WDR5B: variants seen among roughly 807,000 people sequenced by gnomAD.
WDR5B encodes WD repeat-containing protein 5B.
A neutral mutation model predicts 24.0 loss-of-function variants in WDR5B; 17 were observed. That is an observed-to-expected ratio of 0.71 (90% confidence interval 0.49 to 1.06). WDR5B has a LOEUF of 1.06. WDR5B is among the 50% of genes least tolerant of loss of function. The pLI, the probability that WDR5B is intolerant of heterozygous loss-of-function variation, is 0.00. For synonymous variants in WDR5B, 150 were observed against 146.4 expected (o/e 1.02, Z -0.18); for missense variants, 368 against 384.1 (o/e 0.96, Z 0.35).
chr3:122,413,433 C>G lies in WDR5B; in HGVS notation c.*1103G>C, dbSNP rs2075714669. ...GACCAGCCTCGAACATGGTGAAACC[C>G]TGTCTCTACTAAAAATAGAAACATT... On this transcript the variant is annotated 3_prime_UTR_variant, in exon 1 of 1. Transcript: ENST00000330689. 1.3e-5 allele frequency: 2 copies of G among 152,228 alleles called. No individual in the cohort carries two copies. Among genetic ancestry groups the G allele is most frequent in the Admixed American group, 1.3e-4 (2 of 15,266 alleles). 9.4% of individuals were successfully genotyped at this position (152,228 alleles called of 1,614,324 possible).
rs1196218284 is a variant in WDR5B, at chr3:122,413,147, G to A, written c.*1389C>T. Reference sequence around the variant, plus strand: ...AGAAATTGTCCAGTGACAGACAAATGAAATTATTAATAGGCCTCAAGATTA... The same window carrying A: ...AGAAATTGTCCAGTGACAGACAAATAAAATTATTAATAGGCCTCAAGATTA... On this transcript the variant is annotated 3_prime_UTR_variant, in exon 1 of 1. Coordinates refer to ENST00000330689, the MANE Select transcript of WDR5B (RefSeq NM_019069.4). 2 of 152,172 alleles carry A rather than the reference G, an allele frequency of 1.3e-5. No homozygotes were observed. The highest frequency in any genetic ancestry group is 1.5e-5 in the Non-Finnish European group (1 of 68,040). The allele number at this position is 152,172 out of a possible 1,614,324, so 9.4% of individuals were successfully genotyped here. A position where few individuals can be genotyped will look rare whatever the true frequency, so the allele number is the denominator to read the frequency against.
rs2075731276 is a variant in WDR5B at position 122,415,559 on chromosome 3, T to C, written c.-31A>G. The C allele has an allele frequency of 6.3e-7, 1 of 1,585,234 alleles. No individual in the cohort carries two copies. Among genetic ancestry groups the C allele is most frequent in the Non-Finnish European group, 8.6e-7 (1 of 1,166,668 alleles). On this transcript the variant is annotated 5_prime_UTR_variant, in exon 1 of 1. Coordinates refer to ENST00000330689, the MANE Select transcript of WDR5B (RefSeq NM_019069.4). ...TGAAGCTCCAAGTTAGCAGGTGTAC[T>C]AGGCGTTCAGCCCTGAACCAGGCAG...
Position 122,412,298 on chromosome 3 carries a change from G to A in WDR5B, c.*2238C>T, listed in dbSNP as rs1172979610. Reference sequence around the variant, plus strand: ...TTTTTCTACTTTACATTTCCTGTAAGTGCTGTTTGTTTGAATAAAGTTAAT... The same window carrying A: ...TTTTTCTACTTTACATTTCCTGTAAATGCTGTTTGTTTGAATAAAGTTAAT... On this transcript the variant is annotated 3_prime_UTR_variant, in exon 1 of 1. Coordinates refer to ENST00000330689, the MANE Select transcript of WDR5B (RefSeq NM_019069.4). The A allele has an allele frequency of 1.3e-5, 2 of 152,112 alleles. No homozygotes were observed. Among genetic ancestry groups the A allele is most frequent in the Admixed American group, 6.5e-5 (1 of 15,272 alleles). The allele number at this position is 152,112 out of a possible 1,614,324, so 9.4% of individuals were successfully genotyped here. A position where few individuals can be genotyped will look rare whatever the true frequency, so the allele number is the denominator to read the frequency against.
Position 122,415,542 on chromosome 3 carries a change from C to G in WDR5B, c.-14G>C. On this transcript the variant is annotated 5_prime_UTR_variant, in exon 1 of 1. Coordinates refer to ENST00000330689, the MANE Select transcript of WDR5B (RefSeq NM_019069.4). ...CTTGGTTGCCATGGCTCTGAAGCTC[C>G]AAGTTAGCAGGTGTACTAGGCGTTC... 6.3e-7 allele frequency: 1 copy of G among 1,599,286 alleles called. No individual in the cohort carries two copies. Among genetic ancestry groups the G allele is most frequent in the Non-Finnish European group, 8.5e-7 (1 of 1,172,568 alleles).
Position 122,414,083 on chromosome 3 carries a change from G to C in WDR5B, c.*453C>G, listed in dbSNP as rs1310994248. 4 of 166,618 alleles carry C rather than the reference G, an allele frequency of 2.4e-5. No homozygotes were observed. Among genetic ancestry groups the C allele is most frequent in the Non-Finnish European group, 5.2e-5 (4 of 77,090 alleles). The allele number at this position is 166,618 out of a possible 1,614,324, so 10.3% of individuals were successfully genotyped here. ...ATGGACCTGGAGGCCATTAAGTGAA[G>C]TAATGATACAGAAAGTCAAAAACCA... On this transcript the variant is annotated 3_prime_UTR_variant, in exon 1 of 1. Transcript: ENST00000330689.
At position 122,415,307 on chromosome 3, in the gene WDR5B, T is replaced by C. The variant is rs947185521; in HGVS notation, c.222A>G (p.Lys74=). ...LIIIWGAYDG[K]YEKTLYGHNL... ...TATGACCATAGAGTGTTTTCTCATA[T>C]TTTCCATCATATGCTCCCCAAATTA... Residue 74 remains lysine (K), a synonymous_variant, in exon 1 of 1, where the codon AAA becomes AAG. Transcript: ENST00000330689. The C allele has an allele frequency of 3.1e-6, 5 of 1,614,130 alleles. No individual in the cohort carries two copies. The East Asian group carries it at 6.7e-5, about 22-fold the overall frequency.
Position 122,415,419 on chromosome 3 carries a change from A to G in WDR5B, c.110T>C (p.Leu37Pro). ...TGACACTGCTTCCGTGTGTCCCACA[A>G]GAGTACATTTGAGAGCATAGTTTGG... ...ENPNYALKCT[L>P]VGHTEAVSSV... is the part of the protein sequence containing the mutation. Residue 37 changes from leucine (L) to proline (P), a missense_variant, in exon 1 of 1, where the codon CTT becomes CCT. Physicochemically the swap from Leu to Pro is moderately conservative, Grantham distance 98. Transcript: ENST00000330689. The G allele has an allele frequency of 6.2e-7, 1 of 1,614,250 alleles. No homozygotes were observed. Among genetic ancestry groups the G allele is most frequent in the Non-Finnish European group, 8.5e-7 (1 of 1,180,042 alleles).
At position 122,412,164 on chromosome 3, in the gene WDR5B, C is replaced by T. The variant is rs1184242975; in HGVS notation, c.*2372G>A. The T allele has an allele frequency of 6.6e-6, 1 of 152,158 alleles. No homozygotes were observed. The highest frequency in any genetic ancestry group is 1.5e-5 in the Non-Finnish European group (1 of 68,040). 9.4% of individuals were successfully genotyped at this position (152,158 alleles called of 1,614,324 possible). A position where few individuals can be genotyped will look rare whatever the true frequency, so the allele number is the denominator to read the frequency against. ...AGGTACCACAAACTACAAAAGGAGA[C>T]AGTTTTGCCCTTGTTGCTTTCAGTT... On this transcript the variant is annotated 3_prime_UTR_variant, in exon 1 of 1. Transcript: ENST00000330689.
In WDR5B at chr3:122,414,557, TTTAA is replaced by T. The variant is rs543776678; in HGVS notation, c.968_971del (p.Ile323AsnfsTer4). The T allele has an allele frequency of 1.5e-4, 245 of 1,613,986 alleles. 3 individuals carry two copies. The South Asian group carries it at 1.9e-3, about 12-fold the overall frequency. On this transcript the variant is annotated frameshift_variant, in exon 1 of 1. Transcript: ENST00000330689. LOFTEE classifies it high-confidence loss of function. ...GGGATTAGTGGTTACTCATCCACAG[TTTAA>T]TTGTTTTGTCATTTTCTAATGCTGC...
Position 122,414,932 on chromosome 3 carries a change from A to G in WDR5B, c.597T>C (p.Gly199=). The change falls in exon 1 of 1, where the codon GGT becomes GGC. Residue 199 remains glycine, a synonymous_variant. Coordinates refer to ENST00000330689, the MANE Select transcript of WDR5B (RefSeq NM_019069.4). ...GLCRIWDAAS[G]QCLKTLVDDD... ...CATCAACGAGCGTTTTTAAACACTG[A>G]CCTGATGCAGCATCCCAGATTCTAC... 1 of 1,614,218 alleles carries G rather than the reference A, an allele frequency of 6.2e-7. No homozygotes were observed. The highest frequency in any genetic ancestry group is 8.5e-7 in the Non-Finnish European group (1 of 1,180,036).
At position 122,414,714 on chromosome 3, in the gene WDR5B, G is replaced by C. The variant is rs1468468867; in HGVS notation, c.815C>G (p.Ser272Cys). The C allele has an allele frequency of 1.2e-6, 2 of 1,614,172 alleles. No individual in the cohort carries two copies. Among genetic ancestry groups the C allele is most frequent in the Non-Finnish European group, 1.7e-6 (2 of 1,180,036 alleles). The part of the protein sequence containing the change: ...FSVTGGKWIV[S>C]GSEDNLVYIW... ...GTAAACCAGGTTATCCTCGGAACCA[G>C]ACACAATCCACTTTCCACCAGTAAC... Residue 272 changes from serine (S) to cysteine (C), a missense_variant, in exon 1 of 1, where the codon TCT becomes TGT. Ser to Cys is a moderately radical substitution (Grantham distance 112, BLOSUM62 -1). Coordinates refer to ENST00000330689, the MANE Select transcript of WDR5B (RefSeq NM_019069.4).
rs1332517859 is a variant in WDR5B at position 122,413,725 on chromosome 3, G to GC, written c.*810dup. 1 of 152,168 alleles carries GC rather than the reference G, an allele frequency of 6.6e-6. No individual in the cohort carries two copies. Among genetic ancestry groups the GC allele is most frequent in the Non-Finnish European group, 1.5e-5 (1 of 68,030 alleles). 9.4% of individuals were successfully genotyped at this position (152,168 alleles called of 1,614,324 possible). A position where few individuals can be genotyped will look rare whatever the true frequency, so the allele number is the denominator to read the frequency against. On this transcript the variant is annotated 3_prime_UTR_variant, in exon 1 of 1. Transcript: ENST00000330689. The stretch of plus-strand genomic sequence containing the variant: ...CAACTAAAAACTACCATTCGATCCA[G>GC]CAATCCCACTAGTAGGTATCTACCC...
rs1560005504 is a variant in WDR5B, at chr3:122,414,896, AG to A, written c.632del (p.Pro211LeufsTer6). The A allele has an allele frequency of 3.1e-6, 5 of 1,614,214 alleles. No individual in the cohort carries two copies. The Admixed American group carries it at 8.3e-5, about 27-fold the overall frequency. ...CLKTLVDDDN[P>X]PVSFVKFSPN... Reference sequence around the variant, plus strand: ...GAGAAAATTTTACAAAAGAGACAGGAGGGTTATCGTCATCAACGAGCGTTTT... The same window carrying A: ...GAGAAAATTTTACAAAAGAGACAGGAGGTTATCGTCATCAACGAGCGTTTT... On this transcript the variant is annotated frameshift_variant, in exon 1 of 1. Transcript: ENST00000330689. LOFTEE classifies it high-confidence loss of function.
At position 122,414,663 on chromosome 3, in the gene WDR5B, A is replaced by G. The variant is rs141407605; in HGVS notation, c.866T>C (p.Ile289Thr). The G allele has an allele frequency of 2.9e-5, 47 of 1,614,068 alleles. No homozygotes were observed. Among genetic ancestry groups the G allele is most frequent in the Middle Eastern group, 1.6e-4 (1 of 6,084 alleles). ...TGTATGGCCTTGTAATTTCTGCACA[A>G]TCTCTTTAGTCTGAAGGTTCCAAAT... ...VYIWNLQTKE[I>T]VQKLQGHTDV... The change falls in exon 1 of 1, where the codon ATT becomes ACT. Residue 289 changes from isoleucine to threonine, a missense_variant. Transcript: ENST00000330689.
rs1560004733 is a variant in WDR5B, at chr3:122,413,471, T to A, written c.*1065A>T. The stretch of plus-strand genomic sequence containing the variant: ...AAATAGAAACATTAGCCAGGCATGG[T>A]GGCACGCCTGTAATCCTAGCTACCT... On this transcript the variant is annotated 3_prime_UTR_variant, in exon 1 of 1. Transcript: ENST00000330689. The A allele has an allele frequency of 6.6e-6, 1 of 152,194 alleles. No individual in the cohort carries two copies. Among genetic ancestry groups the A allele is most frequent in the East Asian group, 1.9e-4 (1 of 5,196 alleles). 9.4% of individuals were successfully genotyped at this position (152,194 alleles called of 1,614,324 possible).
rs1003763622 is a variant in WDR5B at position 122,415,416 on chromosome 3, A to T, written c.113T>A (p.Val38Glu). 4 of 1,614,114 alleles carry T rather than the reference A, an allele frequency of 2.5e-6. No homozygotes were observed. In the Admixed American group the frequency reaches 6.7e-5, roughly 27 times the overall value. The change falls in exon 1 of 1, where the codon GTG (valine) becomes GAG (glutamate). Residue 38 changes from valine (V) to glutamate (E), a missense_variant. Val to Glu is a moderately radical substitution (Grantham distance 121). Transcript: ENST00000330689. Reference sequence around the variant, plus strand: ...TGATGACACTGCTTCCGTGTGTCCCACAAGAGTACATTTGAGAGCATAGTT... The same window carrying T: ...TGATGACACTGCTTCCGTGTGTCCCTCAAGAGTACATTTGAGAGCATAGTT... ...NPNYALKCTLVGHTEAVSSVK... is the reference protein window; with the variant it reads ...NPNYALKCTLEGHTEAVSSVK...
chr3:122,415,309 T>G lies in WDR5B; in HGVS notation c.220A>C (p.Lys74Gln), dbSNP rs2075729207. The change falls in exon 1 of 1, where the codon AAA becomes CAA. Residue 74 changes from lysine (K) to glutamine (Q), a missense_variant. Coordinates refer to ENST00000330689, the MANE Select transcript of WDR5B (RefSeq NM_019069.4). ...LIIIWGAYDG[K>Q]YEKTLYGHNL... ...TGACCATAGAGTGTTTTCTCATATT[T>G]TCCATCATATGCTCCCCAAATTATG... 6.2e-7 allele frequency: 1 copy of G among 1,614,226 alleles called. No individual in the cohort carries two copies. The highest frequency in any genetic ancestry group is 1.3e-5 in the African/African-American group (1 of 75,068).
rs2075729777 is a variant in WDR5B at position 122,415,380 on chromosome 3, C to T, written c.149G>A (p.Ser50Asn). The stretch of plus-strand genomic sequence containing the variant: ...ACTTGCTAGCCATTCTCCATTAGGA[C>T]TAAACTTAACTGATGACACTGCTTC... ...HTEAVSSVKF[S>N]PNGEWLASSS... The change falls in exon 1 of 1, where the codon AGT becomes AAT. Residue 50 changes from serine (S) to asparagine (N), a missense_variant. Transcript: ENST00000330689. The T allele has an allele frequency of 1.2e-6, 2 of 1,614,110 alleles. No individual in the cohort carries two copies. Among genetic ancestry groups the T allele is most frequent in the African/African-American group, 1.3e-5 (1 of 74,942 alleles).
At position 122,415,119 on chromosome 3, in the gene WDR5B, G is replaced by A. The variant is rs776595633; in HGVS notation, c.410C>T (p.Ser137Phe). ...YVFCCNFNPP[S>F]NLIISGSFDE... ...AAAAGATCCCGAGATTATAAGGTTGGATGGCGGATTGAAGTTACAACAAAA... is the reference window on the plus strand; with the variant it reads ...AAAAGATCCCGAGATTATAAGGTTGAATGGCGGATTGAAGTTACAACAAAA... Residue 137 changes from serine to phenylalanine, a missense_variant, in exon 1 of 1, where the codon TCC (serine) becomes TTC (phenylalanine). By Grantham distance (155) the Ser-to-Phe change is radical (BLOSUM62 -2). Transcript: ENST00000330689. 3.7e-6 allele frequency: 6 copies of A among 1,614,184 alleles called. 1 individual carries two copies. Among genetic ancestry groups the A allele is most frequent in the Middle Eastern group, 3.3e-4 (2 of 6,062 alleles).
Sources: allele counts gnomAD v4.1 joint callset, GRCh38; gene constraint gnomAD v4.1.1; transcripts MANE v1.5; gene names NCBI Gene and HGNC (gene_info 2026-07-23, HGNC 2026-07-21).